Variants in HNRNPD observed in about 807,000 individuals in gnomAD.
HNRNPD encodes the protein heterogeneous nuclear ribonucleoprotein D0.
In HNRNPD, 3 loss-of-function variants were observed where a neutral mutation model predicts 47.9. The ratio of observed to expected loss-of-function variants is 0.06; its 90% CI spans 0.03 to 0.16. The LOEUF (loss-of-function observed/expected upper bound fraction) is 0.16. Ranked by LOEUF, HNRNPD falls within the 10% of genes least tolerant of loss-of-function variation. HNRNPD has a pLI of 1.00. For synonymous variants in HNRNPD, 171 were observed against 165.1 expected, an observed-to-expected ratio of 1.04 and a Z score of -0.28; for missense variants, 287 against 454.2, an observed-to-expected ratio of 0.63 and a Z score of 3.35.
At chr4:82,357,694 T>C in intron 4 of HNRNPD, 1 of 289,052 alleles carries the variant, frequency 3.5e-6, no homozygotes, top group Non-Finnish European at 6.4e-6. Flanking sequence ...ACTACCTAAC[T>C]CAAGGGTCAC....
chr4:82,362,916 T>A (rs1054785123), intron 2 of HNRNPD, among the ~76,000 whole-genome samples: 1 of 152,064 alleles, frequency 6.6e-6, no homozygotes. Flanking sequence ...TCTAACTTTA[T>A]AGTACAATGG....
intron 5 of HNRNPD, 88 bp from the exon 6 acceptor site, chr4:82,356,983 TTAAA>T: frequency 9.0e-7 from 1 of 1,106,630 alleles, no homozygotes; most frequent in Non-Finnish European, 1.4e-6. Flanking sequence ...GCCAACATGT[TTAAA>T]TAGAGTAGGC....
intron 2 of HNRNPD, among the ~76,000 whole-genome samples, chr4:82,366,283 G>A (rs920547406): frequency 2.0e-5 from 3 of 152,042 alleles, no homozygotes; most frequent in Non-Finnish European, 2.9e-5. Context: ...TCGCTTTGTC[G>A]CCCAGGCTGG....
Position 82,373,640 on chromosome 4 carries a change from TGCCGCC to T in HNRNPD, c.33_38del (p.Ala14_Ala15del), listed in dbSNP as rs762068003. On this transcript the variant is annotated inframe_deletion, in exon 1 of 9. Coordinates refer to ENST00000313899, the MANE Select transcript of HNRNPD (RefSeq NM_031370.3). ...AGCCGCCTACCGCCGCCGTTGCCGC[TGCCGCC>T]GCCCCGTCCCCGCCGAACTGCTCCT... 5.0e-5 allele frequency: 77 copies of T among 1,525,318 alleles called. 1 individual carries two copies. The South Asian group carries it at 6.4e-4, about 13-fold the overall frequency. The allele number at this position is 1,525,318 out of a possible 1,614,324, so 94.5% of individuals were successfully genotyped here. A position where few individuals can be genotyped will look rare whatever the true frequency, so the allele number is the denominator to read the frequency against.
intron 5 of HNRNPD, 80 bp downstream of exon 5, chr4:82,357,233 A>G: frequency 1.4e-6 from 2 of 1,438,422 alleles, no homozygotes; most frequent in Non-Finnish European, 1.9e-6. Context: ...AAAGAACTTA[A>G]GCCTTTACAG....
intron 5 of HNRNPD, 104 bp downstream of exon 5, chr4:82,357,209 T>C: frequency 7.6e-7 from 1 of 1,316,878 alleles, no homozygotes; most frequent in Non-Finnish European, 1.0e-6. Flanking sequence ...CAATGAGAAG[T>C]TTTTAAAGCA....
In HNRNPD at chr4:82,352,951, C is replaced by T. The variant is rs1248652264; in HGVS notation, c.*1234G>A. 6.6e-6 allele frequency: 1 copy of T among 152,122 alleles called. No individual in the cohort carries two copies. The highest frequency in any genetic ancestry group is 6.5e-5 in the Admixed American group (1 of 15,272). 9.4% of individuals were successfully genotyped at this position (152,122 alleles called of 1,614,324 possible). ...TAATAATACATTTCTCATTTGTTAC[C>T]TTTCTAATGAACTATTCTGAGCAGT... On this transcript the variant is annotated 3_prime_UTR_variant, in exon 9 of 9. Transcript: ENST00000313899.
chr4:82,373,760 C>G lies in HNRNPD; in HGVS notation c.-82G>C. The stretch of plus-strand genomic sequence containing the variant: ...AAACTAGCAGCAAAGTAATCCCCGC[C>G]GCTGCCGCGCGCCCGCTCTACCTCG... On this transcript the variant is annotated 5_prime_UTR_variant, in exon 1 of 9. Coordinates refer to ENST00000313899, the MANE Select transcript of HNRNPD (RefSeq NM_031370.3). The G allele has an allele frequency of 6.5e-7, 1 of 1,527,572 alleles. No individual in the cohort carries two copies. Among genetic ancestry groups the G allele is most frequent in the Non-Finnish European group, 8.7e-7 (1 of 1,143,994 alleles). The allele number at this position is 1,527,572 out of a possible 1,614,324, so 94.6% of individuals were successfully genotyped here.
At chr4:82,364,496 CT>C (rs1719651394) in intron 2 of HNRNPD, among the ~76,000 whole-genome samples, 1 of 152,106 alleles carries the variant, frequency 6.6e-6, no homozygotes, top group African/African-American at 2.4e-5. Context: ...ATAAAGCAAA[CT>C]TTTTATTTAC....
Position 82,367,093 on chromosome 4 carries a change from T to C in HNRNPD, c.290+4435A>G, listed in dbSNP as rs141427264. Among the ~76,000 whole-genome samples the C allele has an allele frequency of 1.9e-3, 282 of 150,934 alleles. 2 individuals are homozygous for C. The highest frequency in any genetic ancestry group is 0.01 in the East Asian group (52 of 5,102). ...TGTTGCCTAGCTGGTCTAGAAATCC[T>C]GGCATGAAATGATCCTCATACCTCA... On this transcript the variant is annotated intron_variant, in intron 2 of 8. Coordinates refer to ENST00000313899, the MANE Select transcript of HNRNPD (RefSeq NM_031370.3).
intron 7 of HNRNPD, 76 bp from the exon 8 acceptor site, chr4:82,355,477 C>A: frequency 3.8e-6 from 4 of 1,054,768 alleles, no homozygotes; most frequent in Admixed American, 2.1e-5. Context: ...TAATTTTAAA[C>A]AATCTCAAAA....
chr4:82,373,922 AC>A lies in HNRNPD; in HGVS notation c.-245del. 1 of 958,000 alleles carries A rather than the reference AC, an allele frequency of 1.0e-6. No individual in the cohort carries two copies. Among genetic ancestry groups the A allele is most frequent in the Non-Finnish European group, 1.4e-6 (1 of 692,264 alleles). The allele number at this position is 958,000 out of a possible 1,614,324, so 59.3% of individuals were successfully genotyped here. On this transcript the variant is annotated 5_prime_UTR_variant, in exon 1 of 9. Transcript: ENST00000313899. ...CCCGCTGCACTAAAAAAGAATAAGC[AC>A]CAGCGGCGGCCGCTCTCGCCTCCTC... is the stretch of plus-strand genomic sequence containing the variant.
chr4:82,366,336 C>T (rs988793568), intron 2 of HNRNPD, among the ~76,000 whole-genome samples: 2 of 151,982 alleles, frequency 1.3e-5, no homozygotes, highest in African/African-American at 4.8e-5. Context: ...CTCTGCTTCC[C>T]GGGTTCAAGC....
In HNRNPD at chr4:82,358,647, T is replaced by C. The variant is rs1177315934; in HGVS notation, c.621+12A>G. ...TTTTGACATAAACTGGGTCAAAACATTTATAACATACCTCACCAAAACCAC... is the reference window on the plus strand; with the variant it reads ...TTTTGACATAAACTGGGTCAAAACACTTATAACATACCTCACCAAAACCAC... On this transcript the variant is annotated intron_variant, in intron 4 of 8. Transcript: ENST00000313899. 1 of 1,598,202 alleles carries C rather than the reference T, an allele frequency of 6.3e-7. No individual in the cohort carries two copies. The highest frequency in any genetic ancestry group is 8.5e-7 in the Non-Finnish European group (1 of 1,175,818).
At chr4:82,356,489 A>G (rs372121492) in intron 7 of HNRNPD, 48 bp downstream of exon 7, 2 of 1,475,220 alleles carry the variant, frequency 1.4e-6, no homozygotes, top group Non-Finnish European at 1.9e-6. Flanking sequence ...CCAAATTTGT[A>G]CAAAATAAAT....
At chr4:82,372,065 T>C (rs1720071811) in intron 1 of HNRNPD, among the ~76,000 whole-genome samples, 1 of 151,950 alleles carries the variant, frequency 6.6e-6, no homozygotes, top group African/African-American at 2.4e-5. Context: ...TCTTTCTCAG[T>C]AAAGGAAATC....
At chr4:82,367,944 G>C (rs1297930702) in intron 2 of HNRNPD, among the ~76,000 whole-genome samples, 1 of 152,192 alleles carries the variant, frequency 6.6e-6, no homozygotes, top group Non-Finnish European at 1.5e-5. Flanking sequence ...TAACAAACAT[G>C]TCGTATTACC....
chr4:82,373,341 G>T, intron 1 of HNRNPD, 105 bp downstream of exon 1: 1 of 1,430,098 alleles, frequency 7.0e-7, no homozygotes, highest in Non-Finnish European at 9.3e-7. Flanking sequence ...CTGCATGGGG[G>T]CCCGGAGAAC....
intron 2 of HNRNPD, among the ~76,000 whole-genome samples, chr4:82,369,339 T>C (rs993832833): frequency 5.3e-5 from 8 of 152,154 alleles, no homozygotes; most frequent in African/African-American, 1.9e-4. Context: ...GGGCATACTA[T>C]GGAAATAATT....
Sources: allele counts gnomAD v4.1 joint callset (sites outside exome capture counted in the v4.1 genomes callset), GRCh38; gene constraint gnomAD v4.1.1; transcripts MANE v1.5; gene names NCBI Gene and HGNC (gene_info 2026-07-23, HGNC 2026-07-21).